ACTR3C: variants seen among roughly 807,000 people sequenced by gnomAD.
ACTR3C encodes actin-related protein 3C.
Under a neutral mutation model 26.3 loss-of-function variants are expected in ACTR3C, and 18 were observed. The observed-to-expected ratio is 0.68, with a 90% CI of 0.47 to 1.01. The LOEUF is 1.01. Ranked by LOEUF, ACTR3C falls within the 50% of genes least tolerant of loss-of-function variation. The pLI, the probability that ACTR3C is intolerant of heterozygous loss-of-function variation, is 0.00. For synonymous variants in ACTR3C, 55 were observed against 94.5 expected (o/e 0.58, Z 2.42); for missense variants, 184 against 250.7 (o/e 0.73, Z 1.80).
At chr7:149,980,254 A>G in the ACTR3C span, among the ~76,000 whole-genome samples, 1 of 152,356 alleles carries the variant, frequency 6.6e-6, no homozygotes, top group Non-Finnish European at 1.5e-5. Flanking sequence ...TTGAACACAC[A>G]CTGAGAAAAT....
chr7:149,888,507 C>T, the ACTR3C span, among the ~76,000 whole-genome samples: 1 of 152,232 alleles, frequency 6.6e-6, no homozygotes, highest in Non-Finnish European at 1.5e-5. Flanking sequence ...TTTCGGTTTC[C>T]ACTTCTCTAA....
chr7:150,042,630 G>C, the ACTR3C span, among the ~76,000 whole-genome samples: 1 of 151,402 alleles, frequency 6.6e-6, no homozygotes, highest in East Asian at 1.9e-4. Context: ...GGGGTAAGAG[G>C]GGATGGATCT....
the ACTR3C span, among the ~76,000 whole-genome samples, chr7:150,147,607 C>T: frequency 3.9e-5 from 6 of 152,028 alleles, no homozygotes; most frequent in African/African-American, 9.7e-5. Flanking sequence ...TATTAATAAA[C>T]GACATTTATT....
chr7:150,101,742 G>A, the ACTR3C span, among the ~76,000 whole-genome samples: 1 of 151,732 alleles, frequency 6.6e-6, no homozygotes, highest in South Asian at 2.1e-4. Flanking sequence ...TAGTTTCTGA[G>A]TTAATGAACA....
chr7:150,300,820 C>T (rs1208562668), intron 1 of ACTR3C, among the ~76,000 whole-genome samples: 4 of 151,592 alleles, frequency 2.6e-5, no homozygotes, highest in Non-Finnish European at 5.9e-5. Context: ...TGCGCCTACT[C>T]GGGCTGAGGA....
chr7:150,045,237 T>C, the ACTR3C span: 2 of 152,216 alleles, frequency 1.3e-5, no homozygotes, highest in African/African-American at 4.8e-5. Context: ...CTTAAGCAAA[T>C]TGAAGCTTTT....
At chr7:149,893,195 C>T in the ACTR3C span, among the ~76,000 whole-genome samples, 4 of 152,262 alleles carry the variant, frequency 2.6e-5, no homozygotes, top group Middle Eastern at 6.8e-3. Context: ...CATCAGGTCT[C>T]GACATCAACA....
chr7:149,896,784 G>A, the ACTR3C span, among the ~76,000 whole-genome samples: 1 of 151,958 alleles, frequency 6.6e-6, no homozygotes, highest in Non-Finnish European at 1.5e-5. Context: ...CTAAGGCTGG[G>A]CGCGGTGGCT....
At chr7:150,028,549 A>G in the ACTR3C span, among the ~76,000 whole-genome samples, 2 of 152,268 alleles carry the variant, frequency 1.3e-5, no homozygotes, top group Non-Finnish European at 2.9e-5. Context: ...CAGACCTAAG[A>G]CCCGCCCGGC....
chr7:150,044,355 G>A, the ACTR3C span, among the ~76,000 whole-genome samples: 1 of 151,922 alleles, frequency 6.6e-6, no homozygotes, highest in Non-Finnish European at 1.5e-5. Flanking sequence ...AATCAGAAGG[G>A]CTATTGATTC....
downstream of ACTR3C, chr7:150,243,859 A>G (rs942646301): frequency 6.6e-6 from 1 of 152,006 alleles, no homozygotes; most frequent in Non-Finnish European, 1.5e-5. Context: ...TTCAGAACCC[A>G]TGGATACACA....
chr7:150,250,287 T>C (rs1245307400), intron 6 of ACTR3C, among the ~76,000 whole-genome samples: 3 of 147,324 alleles, frequency 2.0e-5, no homozygotes, highest in African/African-American at 7.7e-5. Context: ...CACTGCAAGC[T>C]CTGCCTCCCG....
chr7:150,032,573 T>C, the ACTR3C span, among the ~76,000 whole-genome samples: 1 of 152,064 alleles, frequency 6.6e-6, no homozygotes, highest in African/African-American at 2.4e-5. Flanking sequence ...AGTGTAAAAC[T>C]TCATGAGCTT....
the ACTR3C span, among the ~76,000 whole-genome samples, chr7:149,903,053 TA>T: frequency 0.18 from 13,730 of 77,030 alleles, 1,358 homozygotes; most frequent in South Asian, 0.4. Flanking sequence ...TTTTTTTAAT[TA>T]AAAAAAACCC....
chr7:150,154,812 C>A, the ACTR3C span, among the ~76,000 whole-genome samples: 12 of 152,086 alleles, frequency 7.9e-5, no homozygotes, highest in Non-Finnish European at 2.9e-5. Flanking sequence ...CTTCAGATAC[C>A]AGACACAATA....
chr7:150,185,064 G>A, the ACTR3C span, among the ~76,000 whole-genome samples: 1 of 151,548 alleles, frequency 6.6e-6, no homozygotes, highest in South Asian at 2.1e-4. Context: ...AGGACTGATT[G>A]GCTTAACTAG....
intron 6 of ACTR3C, among the ~76,000 whole-genome samples, chr7:150,266,571 G>A (rs562724681): frequency 6.6e-6 from 1 of 152,124 alleles, no homozygotes; most frequent in South Asian, 2.1e-4. Flanking sequence ...AAAGAAAAAA[G>A]TTTATAAATG....
intron 6 of ACTR3C, among the ~76,000 whole-genome samples, chr7:150,258,570 G>A (rs138783576): frequency 5.0e-3 from 766 of 152,250 alleles, no homozygotes; most frequent in African/African-American, 0.017. Flanking sequence ...TACATAATTG[G>A]AACTGACGTC....
the ACTR3C span, among the ~76,000 whole-genome samples, chr7:150,042,714 C>A: frequency 6.6e-6 from 1 of 151,772 alleles, no homozygotes; most frequent in Non-Finnish European, 1.5e-5. Context: ...CTTGTACTAG[C>A]AGGGCAGTTG....
Sources: allele counts gnomAD v4.1 joint callset (sites outside exome capture counted in the v4.1 genomes callset), GRCh38; gene constraint gnomAD v4.1.1; transcripts MANE v1.5; gene names NCBI Gene and HGNC (gene_info 2026-07-23, HGNC 2026-07-21).